Variants in IFT80 observed in about 807,000 individuals in gnomAD.
The protein encoded by IFT80 is intraflagellar transport 80.
A neutral mutation model predicts 107.9 loss-of-function variants in IFT80; 79 were observed. The observed-to-expected ratio is 0.73, with a 90% CI of 0.61 to 0.88. The LOEUF is 0.88. Ranked by LOEUF, IFT80 falls within the 40% of genes least tolerant of loss-of-function variation. The pLI is 0.00. For synonymous variants in IFT80, 299 were observed against 300.9 expected (o/e 0.99, Z 0.07); for missense variants, 797 against 914.2 (o/e 0.87, Z 1.65).
chr3:160,290,590 T>C (rs1715479061), intron 12 of IFT80, among the ~76,000 whole-genome samples: 1 of 152,138 alleles, frequency 6.6e-6, no homozygotes, highest in Admixed American at 6.6e-5. Flanking sequence ...TTTTGTTTTG[T>C]TTTGTTTAGA....
At chr3:160,370,206 A>T (rs764045741) in intron 5 of IFT80, among the ~76,000 whole-genome samples, 7 of 152,178 alleles carry the variant, frequency 4.6e-5, no homozygotes, top group Non-Finnish European at 7.4e-5. Flanking sequence ...CTAATAAATT[A>T]CAGTAGCTAT....
chr3:160,267,353 A>T (rs6767102), intron 19 of IFT80, among the ~76,000 whole-genome samples: 8,765 of 152,212 alleles, frequency 0.058, 349 homozygotes, highest in African/African-American at 0.11. Context: ...ATTCCATTTT[A>T]TTCTACACCA....
At chr3:160,325,772 A>C (rs540550385) in intron 8 of IFT80, among the ~76,000 whole-genome samples, 2 of 152,188 alleles carry the variant, frequency 1.3e-5, no homozygotes, top group Admixed American at 1.3e-4. Context: ...ATTTCTTATA[A>C]TTTTGTACAT....
intron 6 of IFT80, among the ~76,000 whole-genome samples, chr3:160,362,980 C>T (rs989034678): frequency 1.3e-5 from 2 of 152,286 alleles, no homozygotes; most frequent in Admixed American, 6.5e-5. Context: ...CCCTCTCTCA[C>T]CATTCCTATT....
chr3:160,331,205 T>C lies in IFT80; in HGVS notation c.778-11266A>G, dbSNP rs1470829969. On this transcript the variant is annotated intron_variant, in intron 8 of 19. Coordinates refer to ENST00000326448, the MANE Select transcript of IFT80 (RefSeq NM_020800.3). Reference sequence around the variant, plus strand: ...GGGTTACTTGAACGAACACAAGCCCTGAAATACTGTGACAGTTGATCTGAT... The same window carrying C: ...GGGTTACTTGAACGAACACAAGCCCCGAAATACTGTGACAGTTGATCTGAT... 6.4e-4 allele frequency among the ~76,000 whole-genome samples: 98 copies of C among 152,158 alleles called. 1 individual carries two copies. Among genetic ancestry groups the C allele is most frequent in the Admixed American group, 6.4e-3 (97 of 15,272 alleles).
chr3:160,336,987 C>T (rs1009743405), intron 8 of IFT80, among the ~76,000 whole-genome samples: 1 of 152,174 alleles, frequency 6.6e-6, no homozygotes, highest in African/African-American at 2.4e-5. Flanking sequence ...CTCCTTTTCT[C>T]CATATCTGAT....
At position 160,303,986 on chromosome 3, in the gene IFT80, C is replaced by T. The variant is rs768376356; in HGVS notation, c.1080G>A (p.Thr360=). 42 of 1,604,918 alleles carry T rather than the reference C, an allele frequency of 2.6e-5. No individual in the cohort carries two copies. The highest frequency in any genetic ancestry group is 1.9e-4 in the South Asian group (17 of 90,782). Residue 360 remains threonine (T), a synonymous_variant, in exon 11 of 20, where the codon ACG becomes ACA. Transcript: ENST00000326448. ...STSLQCYVFS[T]KNWNTPIIFD... is the part of the protein sequence containing the mutation. Reference sequence around the variant, plus strand: ...ATATAATTGGTGTGTTCCAGTTCTTCGTGCTAAAAGACAAGTAAAATGGAT... The same window carrying T: ...ATATAATTGGTGTGTTCCAGTTCTTTGTGCTAAAAGACAAGTAAAATGGAT...
intron 5 of IFT80, among the ~76,000 whole-genome samples, chr3:160,374,061 C>T (rs918255001): frequency 1.3e-5 from 2 of 152,194 alleles, no homozygotes; most frequent in South Asian, 4.2e-4. Flanking sequence ...AATGGTGAAT[C>T]CACAGGTAGT....
Position 160,277,456 on chromosome 3 carries a change from T to A in IFT80, c.1949A>T (p.Asn650Ile). 6.2e-7 allele frequency: 1 copy of A among 1,608,706 alleles called. No individual in the cohort carries two copies. The highest frequency in any genetic ancestry group is 1.1e-5 in the South Asian group (1 of 90,952). Residue 650 changes from asparagine (N) to isoleucine (I), a missense_variant, in exon 18 of 20, where the codon AAT (asparagine) becomes ATT (isoleucine). Physicochemically the swap from Asn to Ile is moderately radical, Grantham distance 149. Coordinates refer to ENST00000326448, the MANE Select transcript of IFT80 (RefSeq NM_020800.3). ...IGEIDKVQYI[N>I]SIKNLPSKES... Reference sequence around the variant, plus strand: ...TTTAGATGGAAGATTTTTTATAGAATTGATGTACTGAACCTTATCAATCTA... The same window carrying A: ...TTTAGATGGAAGATTTTTTATAGAAATGATGTACTGAACCTTATCAATCTA...
intron 13 of IFT80, among the ~76,000 whole-genome samples, chr3:160,284,995 T>A (rs1175860118): frequency 6.6e-6 from 1 of 152,144 alleles, no homozygotes; most frequent in Non-Finnish European, 1.5e-5. Context: ...CACTGTATAC[T>A]TTTTAATGCT....
rs529428021 is a variant in IFT80, at chr3:160,324,837, A to T, written c.778-4898T>A. Among the ~76,000 whole-genome samples, 698 of 152,186 alleles carry T rather than the reference A, an allele frequency of 4.6e-3. 5 individuals are homozygous for T. The highest frequency in any genetic ancestry group is 0.016 in the African/African-American group (650 of 41,516). On this transcript the variant is annotated intron_variant, in intron 8 of 19. Coordinates refer to ENST00000326448, the MANE Select transcript of IFT80 (RefSeq NM_020800.3). Reference sequence around the variant, plus strand: ...TTCAATTAGGAAAAGAGGAAGTCAAATTGTCCCTGTTTGCAGACGACATGA... The same window carrying T: ...TTCAATTAGGAAAAGAGGAAGTCAATTTGTCCCTGTTTGCAGACGACATGA...
chr3:160,275,330 C>T (rs898621247), intron 18 of IFT80, among the ~76,000 whole-genome samples: 1 of 152,010 alleles, frequency 6.6e-6, no homozygotes, highest in Non-Finnish European at 1.5e-5. Flanking sequence ...AGGAGGAATG[C>T]TGCAAAATGA....
At chr3:160,397,163 A>T (rs1307929208) in intron 1 of IFT80, among the ~76,000 whole-genome samples, 1 of 151,012 alleles carries the variant, frequency 6.6e-6, no homozygotes, top group Non-Finnish European at 1.5e-5. Context: ...ATAGATTTTT[A>T]CCCCAAAATG....
chr3:160,390,172 C>A (rs1713260142), intron 1 of IFT80, among the ~76,000 whole-genome samples: 1 of 152,022 alleles, frequency 6.6e-6, no homozygotes, highest in Non-Finnish European at 1.5e-5. Flanking sequence ...AATCCCAGCA[C>A]TTTGGGAGGC....
rs1221472913 is a variant in IFT80, at chr3:160,257,437, T to G, written c.*1088A>C. ...TATTGTTTAAAAGATTATGTGGTAA[T>G]AACTTTGGGATACACTAAATAGAGT... On this transcript the variant is annotated 3_prime_UTR_variant, in exon 20 of 20. Transcript: ENST00000326448. The G allele has an allele frequency of 6.6e-6, 1 of 152,160 alleles. No homozygotes were observed. The allele number at this position is 152,160 out of a possible 1,614,324, so 9.4% of individuals were successfully genotyped here. A position where few individuals can be genotyped will look rare whatever the true frequency, so the allele number is the denominator to read the frequency against.
intron 3 of IFT80, among the ~76,000 whole-genome samples, chr3:160,381,239 AATATATATATATATAT>A (rs56915671): frequency 3.5e-5 from 3 of 86,278 alleles, no homozygotes; most frequent in Non-Finnish European, 8.2e-5. Flanking sequence ...CCCATCTCTA[AATATATATATATATAT>A]ATATATATAT....
intron 18 of IFT80, among the ~76,000 whole-genome samples, chr3:160,269,142 T>A (rs1017473523): frequency 4.0e-5 from 6 of 150,706 alleles, no homozygotes; most frequent in Admixed American, 6.6e-5. Flanking sequence ...GGCGGGAGAA[T>A]CGCTTGAATC....
At chr3:160,375,291 T>C (rs1275311919) in intron 5 of IFT80, among the ~76,000 whole-genome samples, 2 of 152,170 alleles carry the variant, frequency 1.3e-5, no homozygotes, top group Admixed American at 6.5e-5. Context: ...CTCCTTTCTA[T>C]TAACATAAAA....
At chr3:160,384,387 A>C (rs942249526) in intron 2 of IFT80, 177 bp downstream of exon 2, 2 of 1,266,816 alleles carry the variant, frequency 1.6e-6, no homozygotes, top group African/African-American at 3.1e-5. Context: ...CAAACGGTTC[A>C]CTTTGGAGAA....
Sources: allele counts gnomAD v4.1 joint callset (sites outside exome capture counted in the v4.1 genomes callset), GRCh38; gene constraint gnomAD v4.1.1; transcripts MANE v1.5; gene names NCBI Gene and HGNC (gene_info 2026-07-23, HGNC 2026-07-21).